CLHC1: variants seen among roughly 807,000 people sequenced by gnomAD.
The protein encoded by CLHC1 is clathrin heavy chain linker domain containing 1.
A neutral mutation model predicts 69.5 loss-of-function variants in CLHC1; 72 were observed. The ratio of observed to expected loss-of-function variants is 1.04; its 90% CI spans 0.86 to 1.26. CLHC1 has a LOEUF of 1.26. Among genes scored for constraint, CLHC1 ranks in the 50% most tolerant of loss-of-function variants. CLHC1 has a pLI of 0.00. For synonymous variants in CLHC1, 223 were observed against 224.3 expected (o/e 0.99, Z 0.05); for missense variants, 790 against 679.3 (o/e 1.16, Z -1.81).
chr2:55,173,715 T>G lies in CLHC1; in HGVS notation c.*2075A>C, dbSNP rs924519825. Among the ~76,000 whole-genome samples, 1 of 152,178 alleles carries G rather than the reference T, an allele frequency of 6.6e-6. No homozygotes were observed. The highest frequency in any genetic ancestry group is 1.5e-5 in the Non-Finnish European group (1 of 68,028). On this transcript the variant is annotated 3_prime_UTR_variant, in exon 13 of 13. Transcript: ENST00000401408. ...TTCTTTCTCCTTCCTCATTTAACTT[T>G]GTAATCTTGCTCTTCCTCCCAACTC...
intron 3 of CLHC1, 63 bp downstream of exon 3, chr2:55,222,172 G>A: frequency 8.8e-7 from 1 of 1,139,640 alleles, no homozygotes. Flanking sequence ...AGGAATATTG[G>A]TTGTCAACAT....
intron 3 of CLHC1, among the ~76,000 whole-genome samples, chr2:55,221,503 A>G (rs942994753): frequency 6.6e-6 from 1 of 152,232 alleles, no homozygotes; most frequent in African/African-American, 2.4e-5. Flanking sequence ...AAGGAACCTC[A>G]ATTTAATGTT....
At chr2:55,222,207 C>A (rs1244475564) in intron 3 of CLHC1, 28 bp downstream of exon 3, 1 of 1,552,306 alleles carries the variant, frequency 6.4e-7, no homozygotes, top group Non-Finnish European at 8.9e-7. Context: ...CTCATGAAAA[C>A]TTAATTGTCT....
intron 2 of CLHC1, chr2:55,225,580 CT>C (rs1188485067): frequency 1.3e-5 from 2 of 152,340 alleles, no homozygotes; most frequent in African/African-American, 2.4e-5. Flanking sequence ...TCTGTCTCCC[CT>C]GACCCCAAGT....
At chr2:55,214,716 G>C (rs974161362) in intron 4 of CLHC1, 1 of 152,108 alleles carries the variant, frequency 6.6e-6, no homozygotes, top group East Asian at 1.9e-4. Flanking sequence ...AAATAAGCAG[G>C]TTTTCAAAAG....
intron 1 of CLHC1, among the ~76,000 whole-genome samples, chr2:55,230,193 G>A (rs919074112): frequency 6.6e-6 from 1 of 152,250 alleles, no homozygotes; most frequent in African/African-American, 2.4e-5. Flanking sequence ...AAAGATGATG[G>A]TGGCTTGAAT....
chr2:55,176,991 A>T (rs1669451146), intron 12 of CLHC1, among the ~76,000 whole-genome samples: 1 of 152,084 alleles, frequency 6.6e-6, no homozygotes, highest in African/African-American at 2.4e-5. Flanking sequence ...CTTCCACCTC[A>T]TCCTCTCAAG....
rs564818901 is a variant in CLHC1, at chr2:55,211,205, T to C, written c.500-1374A>G. ...TCATTTGCTAGTCACAATTTTATAT[T>C]TGAAAGTGAATCTAGGCCAGGTGCA... On this transcript the variant is annotated intron_variant, in intron 5 of 12. Coordinates refer to ENST00000401408, the MANE Select transcript of CLHC1 (RefSeq NM_152385.4). Among the ~76,000 whole-genome samples, 14 of 152,072 alleles carry C rather than the reference T, an allele frequency of 9.2e-5. No individual in the cohort carries two copies. The East Asian group carries it at 2.7e-3, about 29-fold the overall frequency.
intron 5 of CLHC1, 90 bp downstream of exon 5, chr2:55,212,583 T>A (rs1247323756): frequency 1.0e-6 from 1 of 997,632 alleles, no homozygotes; most frequent in South Asian, 1.4e-5. Context: ...AAGATGCACA[T>A]ACATCAGCAC....
At chr2:55,195,976 T>TC (rs1364997689) in intron 9 of CLHC1, among the ~76,000 whole-genome samples, 2 of 152,126 alleles carry the variant, frequency 1.3e-5, no homozygotes, top group Non-Finnish European at 2.9e-5. Flanking sequence ...AACTCACCAC[T>TC]CCCCCATCCT....
chr2:55,197,284 G>GA (rs1221797147), intron 9 of CLHC1, among the ~76,000 whole-genome samples: 2 of 151,654 alleles, frequency 1.3e-5, no homozygotes, highest in East Asian at 3.9e-4. Context: ...TACCATGAAG[G>GA]AAAAAAAACA....
intron 9 of CLHC1, among the ~76,000 whole-genome samples, chr2:55,189,312 C>T (rs1670701474): frequency 1.3e-5 from 2 of 151,996 alleles, no homozygotes; most frequent in African/African-American, 4.8e-5. Context: ...AAATGATAGG[C>T]TTAAGACCAA....
chr2:55,217,839 T>C lies in CLHC1; in HGVS notation c.337A>G (p.Arg113Gly). Residue 113 changes from arginine (R) to glycine (G), a missense_variant, in exon 4 of 13, where the codon AGG becomes GGG. Arg to Gly is a moderately radical substitution (Grantham distance 125, BLOSUM62 -2). Transcript: ENST00000401408. ...AAEPTALVYYRKRTIQLEAKM... is the reference protein window; with the variant it reads ...AAEPTALVYYGKRTIQLEAKM... ...GCTTCAAGTTGGATTGTTCTTTTCC[T>C]GTAATATACCAAAGCTGTAGGCTCT... 1 of 1,570,790 alleles carries C rather than the reference T, an allele frequency of 6.4e-7. No individual in the cohort carries two copies. The highest frequency in any genetic ancestry group is 8.6e-7 in the Non-Finnish European group (1 of 1,163,532).
intron 4 of CLHC1, among the ~76,000 whole-genome samples, chr2:55,213,157 T>C (rs1170444787): frequency 6.6e-6 from 1 of 152,232 alleles, no homozygotes; most frequent in Non-Finnish European, 1.5e-5. Context: ...ACCACTAACC[T>C]GGTGACTACA....
chr2:55,218,273 A>G (rs987863348), intron 3 of CLHC1: 2 of 220,604 alleles, frequency 9.1e-6, no homozygotes, highest in African/African-American at 2.3e-5. Flanking sequence ...CACATGCATT[A>G]TATGATTTCA....
chr2:55,223,248 T>G (rs918718109), intron 2 of CLHC1, among the ~76,000 whole-genome samples: 1 of 152,164 alleles, frequency 6.6e-6, no homozygotes, highest in Non-Finnish European at 1.5e-5. Flanking sequence ...GTATTTATTT[T>G]TATAATAAAC....
At position 55,177,661 on chromosome 2, in the gene CLHC1, G is replaced by A. The variant is rs762352104; in HGVS notation, c.1505C>T (p.Ser502Phe). 7.4e-6 allele frequency: 12 copies of A among 1,612,340 alleles called. No homozygotes were observed. In the South Asian group the frequency reaches 1.1e-4, roughly 15 times the overall value. The change falls in exon 12 of 13, where the codon TCT (serine) becomes TTT (phenylalanine). Residue 502 changes from serine (S) to phenylalanine (F), a missense_variant. Ser to Phe is a radical substitution (Grantham distance 155, BLOSUM62 -2). Coordinates refer to ENST00000401408, the MANE Select transcript of CLHC1 (RefSeq NM_152385.4). ...SFGLAILHLF[S>F]ADMKKVGIKL... ...AATGCCAACTTTTTTCATGTCTGCA[G>A]AGAACAGATGAAGTATAGCAAGACC...
chr2:55,188,918 C>T (rs1208815527), intron 9 of CLHC1, among the ~76,000 whole-genome samples: 2 of 152,106 alleles, frequency 1.3e-5, no homozygotes, highest in Non-Finnish European at 2.9e-5. Context: ...CAGTGGATTA[C>T]AAGGATGTGA....
In CLHC1 at chr2:55,172,653, G is replaced by A. The variant is rs1297712855; in HGVS notation, c.*3137C>T. Among the ~76,000 whole-genome samples, 11 of 148,932 alleles carry A rather than the reference G, an allele frequency of 7.4e-5. No individual in the cohort carries two copies. Among genetic ancestry groups the A allele is most frequent in the African/African-American group, 2.5e-4 (10 of 40,472 alleles). On this transcript the variant is annotated 3_prime_UTR_variant, in exon 13 of 13. Transcript: ENST00000401408. ...CATTTGTTAAATGCCATTTTTTTCTGAGAAAGAATGGAAGAAATGTATGAG... is the reference window on the plus strand; with the variant it reads ...CATTTGTTAAATGCCATTTTTTTCTAAGAAAGAATGGAAGAAATGTATGAG...
Sources: gnomAD v4.1 joint callset for allele counts (sites outside exome capture counted in the v4.1 genomes callset) on GRCh38, gnomAD v4.1.1 for gene constraint, MANE v1.5 for transcripts, NCBI Gene and HGNC (gene_info 2026-07-23, HGNC 2026-07-21) for gene names.